FXYD3: variants seen among roughly 807,000 people sequenced by gnomAD.
The protein encoded by FXYD3 is FXYD domain containing ion transport regulator 3, also known as FXYD domain-containing ion transport regulator 3.
In FXYD3, 13 loss-of-function variants were observed where a neutral mutation model predicts 19.2. The ratio of observed to expected loss-of-function variants is 0.68; its 90% CI spans 0.44 to 1.08. The LOEUF (loss-of-function observed/expected upper bound fraction) is 1.08. FXYD3 is among the 50% of genes least tolerant of loss of function. The probability of loss-of-function intolerance (pLI) is 0.00; values close to 1 mark genes in which losing one functional copy is unlikely to be tolerated. For missense variants in FXYD3, 101 were observed against 109.4 expected (o/e 0.92, Z 0.34); for synonymous variants, 48 against 38.9 (o/e 1.23, Z -0.87).
chr19:35,117,202 C>T, intron 2 of FXYD3: 2 of 1,421,810 alleles, frequency 1.4e-6, no homozygotes, highest in Non-Finnish European at 9.2e-7. Flanking sequence ...AGGGCAGACC[C>T]AGCTCCCGGC....
At chr19:35,121,318 G>A (rs777137481) in intron 5 of FXYD3, 73 bp downstream of exon 5, 15 of 1,614,116 alleles carry the variant, frequency 9.3e-6, no homozygotes, top group African/African-American at 1.3e-5. Flanking sequence ...CCCATACAGG[G>A]TTGGGGCCTG....
rs1194737929 is a variant in FXYD3 at position 35,119,432 on chromosome 19, C to T, written c.40+16C>T. The T allele has an allele frequency of 1.9e-6, 3 of 1,612,808 alleles. No individual in the cohort carries two copies. Among genetic ancestry groups the T allele is most frequent in the East Asian group, 2.2e-5 (1 of 44,878 alleles). Reference sequence around the variant, plus strand: ...TTCCTGGCAGGTGAGTACCCATCCCCCGTCTGCCTTTTCCTCTGGATCCCC... The same window carrying T: ...TTCCTGGCAGGTGAGTACCCATCCCTCGTCTGCCTTTTCCTCTGGATCCCC... On this transcript the variant is annotated intron_variant, in intron 3 of 8. Transcript: ENST00000604404.
rs998574498 is a variant in FXYD3 at position 35,121,206 on chromosome 19, T to C, written c.74-16T>C. On this transcript the variant is annotated splice_polypyrimidine_tract_variant and intron_variant, in intron 4 of 8. Coordinates refer to ENST00000604404, the MANE Select transcript of FXYD3 (RefSeq NM_005971.4). Reference sequence around the variant, plus strand: ...GCTGTAATCCTGGATTCATGATCTTTTTTCTTTCCTTGCAGATAAAAACAG... The same window carrying C: ...GCTGTAATCCTGGATTCATGATCTTCTTTCTTTCCTTGCAGATAAAAACAG... 6.2e-7 allele frequency: 1 copy of C among 1,614,180 alleles called. No individual in the cohort carries two copies. Among genetic ancestry groups the C allele is most frequent in the African/African-American group, 1.3e-5 (1 of 75,052 alleles).
chr19:35,118,671 T>G, intron 2 of FXYD3: 1 of 706,610 alleles, frequency 1.4e-6, no homozygotes, highest in Non-Finnish European at 1.8e-6. Flanking sequence ...GGCATGGGTG[T>G]GGGATGAGGG....
At chr19:35,121,604 T>A in intron 5 of FXYD3, 1 of 1,242,900 alleles carries the variant, frequency 8.0e-7, no homozygotes, top group Non-Finnish European at 1.0e-6. Flanking sequence ...AATGACCTGC[T>A]CCCTACTCCC....
rs554018638 is a variant in FXYD3 at position 35,120,171 on chromosome 19, G to A, written c.40+755G>A. ...TTTTTTTTTTCGGAGACAGAGTCTC[G>A]CTCTGTTGCCCAGGCTGGAGTGCAG... On this transcript the variant is annotated intron_variant, in intron 3 of 8. Transcript: ENST00000604404. Among the ~76,000 whole-genome samples, 15 of 142,240 alleles carry A rather than the reference G, an allele frequency of 1.1e-4. No individual in the cohort carries two copies. The South Asian group carries it at 2.0e-3, about 19-fold the overall frequency. 93.3% of individuals were successfully genotyped at this position (142,240 alleles called of 152,430 possible). A position where few individuals can be genotyped will look rare whatever the true frequency, so the allele number is the denominator to read the frequency against.
chr19:35,123,473 T>G lies in FXYD3; in HGVS notation c.*16T>G, dbSNP rs749892028. The G allele has an allele frequency of 7.4e-6, 12 of 1,614,002 alleles. No homozygotes were observed. Among genetic ancestry groups the G allele is most frequent in the Middle Eastern group, 3.3e-4 (2 of 6,060 alleles). ...CCAAAGCTGATGAGGACAGACCAGC[T>G]GAAATTGGGTGGAGGACCGTTCTCT... On this transcript the variant is annotated 3_prime_UTR_variant, in exon 9 of 9. Transcript: ENST00000604404.
In FXYD3 at chr19:35,119,408, TC is replaced by T; in HGVS notation, c.34del (p.Leu12TrpfsTer12). On this transcript the variant is annotated frameshift_variant, in exon 3 of 9. Coordinates refer to ENST00000604404, the MANE Select transcript of FXYD3 (RefSeq NM_005971.4). LOFTEE classifies it high-confidence loss of function. MQKVTLGLLV[F>X]LAGFPVLDAN... is the part of the protein sequence containing the mutation. ...AAGGTGACCCTGGGCCTGCTTGTGT[TC>T]CTGGCAGGTGAGTACCCATCCCCCG... 6.2e-7 allele frequency: 1 copy of T among 1,614,034 alleles called. No homozygotes were observed. The highest frequency in any genetic ancestry group is 1.1e-5 in the South Asian group (1 of 91,076).
chr19:35,119,509 G>A (rs1288141901), intron 3 of FXYD3, 93 bp downstream of exon 3: 77 of 1,174,570 alleles, frequency 6.6e-5, no homozygotes, highest in Admixed American at 8.6e-5. Context: ...CTACCTCCCC[G>A]GGAAGGTGGT....
At chr19:35,118,800 G>A (rs1370132031) in intron 2 of FXYD3, among the ~76,000 whole-genome samples, 1 of 152,146 alleles carries the variant, frequency 6.6e-6, no homozygotes, top group African/African-American at 2.4e-5. Flanking sequence ...CCCCCAAGCA[G>A]CTTGAAGAAC....
intron 5 of FXYD3, chr19:35,121,654 C>T (rs981389024): frequency 4.0e-5 from 25 of 618,902 alleles, no homozygotes; most frequent in Middle Eastern, 1.1e-3. Context: ...ATTCCTTCTG[C>T]TCCAAGCCTC....
intron 7 of FXYD3, 120 bp from the exon 8 acceptor site, chr19:35,123,151 C>G: frequency 6.7e-7 from 1 of 1,493,504 alleles, no homozygotes; most frequent in Non-Finnish European, 8.9e-7. Flanking sequence ...CCTGGGATTG[C>G]ACAACCCCCC....
chr19:35,116,309 T>C lies in FXYD3; in HGVS notation c.-65T>C. The C allele has an allele frequency of 1.0e-6, 1 of 985,506 alleles. No homozygotes were observed. Among genetic ancestry groups the C allele is most frequent in the Non-Finnish European group, 1.2e-6 (1 of 829,962 alleles). 61.0% of individuals were successfully genotyped at this position (985,506 alleles called of 1,614,324 possible). A position where few individuals can be genotyped will look rare whatever the true frequency, so the allele number is the denominator to read the frequency against. On this transcript the variant is annotated 5_prime_UTR_variant, in exon 2 of 9. Transcript: ENST00000604404. ...CTTCGGATAAACGCAGGACTCCGCC[T>C]GGCAGCCCGATTTCTCCCGGAACCT...
chr19:35,118,746 C>A (rs1376072041), intron 2 of FXYD3: 3 of 269,318 alleles, frequency 1.1e-5, no homozygotes, highest in African/African-American at 4.5e-5. Context: ...TCCCCCTCTA[C>A]CCCCAGTCCC....
chr19:35,118,907 C>T (rs748185955), intron 2 of FXYD3, among the ~76,000 whole-genome samples: 2 of 152,208 alleles, frequency 1.3e-5, no homozygotes, highest in Admixed American at 6.5e-5. Context: ...GGCCTCCTGC[C>T]GCCTGGCTCC....
chr19:35,119,187 C>T (rs943326207), intron 2 of FXYD3, 176 bp from the exon 3 acceptor site: 16 of 1,561,348 alleles, frequency 1.0e-5, no homozygotes, highest in Non-Finnish European at 1.4e-5. Flanking sequence ...TCACCCAGTC[C>T]CCACTCCACG....
intron 5 of FXYD3, 119 bp from the exon 6 acceptor site, chr19:35,122,646 T>A: frequency 1.3e-6 from 1 of 767,110 alleles, no homozygotes; most frequent in East Asian, 2.5e-5. Flanking sequence ...TGTTTTCTTA[T>A]GGCGGTGTCC....
intron 5 of FXYD3, 24 bp downstream of exon 5, chr19:35,121,269 C>T (rs1568386766): frequency 2.5e-6 from 4 of 1,614,112 alleles, no homozygotes; most frequent in Non-Finnish European, 3.4e-6. Context: ...CCCCCTTTCC[C>T]CTCCCCACAA....
chr19:35,117,120 C>T lies in FXYD3; in HGVS notation c.-15+761C>T, dbSNP rs142884850. 36 of 1,324,168 alleles carry T rather than the reference C, an allele frequency of 2.7e-5. No individual in the cohort carries two copies. In the African/African-American group the frequency reaches 5.5e-4, roughly 20 times the overall value. 82.0% of individuals were successfully genotyped at this position (1,324,168 alleles called of 1,614,324 possible). ...GCTGCAGGGCTGCCTTCCTCTCTAA[C>T]CTGCTCACCAACCACATCAGTTCGG... On this transcript the variant is annotated intron_variant, in intron 2 of 8. Coordinates refer to ENST00000604404, the MANE Select transcript of FXYD3 (RefSeq NM_005971.4).
Sources: gnomAD v4.1 joint callset for allele counts (sites outside exome capture counted in the v4.1 genomes callset) on GRCh38, gnomAD v4.1.1 for gene constraint, MANE v1.5 for transcripts, NCBI Gene and HGNC (gene_info 2026-07-23, HGNC 2026-07-21) for gene names.